The following SIGIRR variants were observed in gnomAD, a reference collection of about 807,000 sequenced individuals.
The protein encoded by SIGIRR is single Ig IL-1-related receptor.
Under a neutral mutation model 45.6 loss-of-function variants are expected in SIGIRR, and 41 were observed. The observed-to-expected ratio is 0.90, with a 90% CI of 0.70 to 1.17. SIGIRR has a LOEUF of 1.17. SIGIRR is among the 50% of genes most tolerant of loss of function. The pLI is 0.00. For synonymous variants in SIGIRR, 298 were observed against 239.0 expected, an observed-to-expected ratio of 1.25 and a Z score of -2.28; for missense variants, 599 against 539.6, an observed-to-expected ratio of 1.11 and a Z score of -1.09.
At chr11:406,559 G>A (rs1222900635) in intron 8 of SIGIRR, 21 bp from the exon 9 acceptor site, 1 of 1,595,684 alleles carries the variant, frequency 6.3e-7, no homozygotes, top group Non-Finnish European at 8.5e-7. Flanking sequence ...GGTCGGGGCG[G>A]TTTGCAGGTG....
intron 5 of SIGIRR, 35 bp from the exon 6 acceptor site, chr11:407,603 G>A (rs183132215): frequency 1.3e-6 from 2 of 1,597,524 alleles, no homozygotes; most frequent in Admixed American, 1.7e-5. Context: ...GATGGCTCCC[G>A]AGGCCTCACA....
chr11:405,894 A>T lies in SIGIRR; in HGVS notation c.*2T>A. 2 of 1,590,692 alleles carry T rather than the reference A, an allele frequency of 1.3e-6. No homozygotes were observed. Among genetic ancestry groups the T allele is most frequent in the Non-Finnish European group, 1.7e-6 (2 of 1,164,854 alleles). The stretch of plus-strand genomic sequence containing the variant: ...CTATGATCCTGCACTCTGGGGTGGG[A>T]GCTACATATCATCCTTGGACACCAG... On this transcript the variant is annotated 3_prime_UTR_variant, in exon 10 of 10. Transcript: ENST00000431843.
At chr11:407,192 A>T in intron 6 of SIGIRR, 28 bp from the exon 7 acceptor site, 5 of 118,978 alleles carry the variant, frequency 4.2e-5, no homozygotes, top group Admixed American at 2.0e-4. Context: ...TCGGCGGCGC[A>T]GGGGCGGGGG....
In SIGIRR at chr11:409,795, C is replaced by A. The variant is rs1327837413; in HGVS notation, c.7+73G>T. 55 of 1,359,274 alleles carry A rather than the reference C, an allele frequency of 4.0e-5. 2 individuals are homozygous for A. In the Middle Eastern group the frequency reaches 8.7e-3, roughly 216 times the overall value. 84.2% of individuals were successfully genotyped at this position (1,359,274 alleles called of 1,614,324 possible). A position where few individuals can be genotyped will look rare whatever the true frequency, so the allele number is the denominator to read the frequency against. Reference sequence around the variant, plus strand: ...GTGCCTGGGATAAGAGCAGGATGCACAATGTGGAGCCAGCCTGAGGGGCAG... The same window carrying A: ...GTGCCTGGGATAAGAGCAGGATGCAAAATGTGGAGCCAGCCTGAGGGGCAG... On this transcript the variant is annotated intron_variant, in intron 2 of 9. Transcript: ENST00000431843.
In SIGIRR at chr11:408,086, A is replaced by G. The variant is rs771429866; in HGVS notation, c.327T>C (p.Thr109=). 1.9e-6 allele frequency: 3 copies of G among 1,612,768 alleles called. No homozygotes were observed. Among genetic ancestry groups the G allele is most frequent in the Non-Finnish European group, 8.5e-7 (1 of 1,179,958 alleles). The part of the protein sequence containing the change: ...SIQNISFSSF[T]LQRAGPTSHV... ...AACCCCCATCACCAGCTCTCTGAAG[A>G]GTGAAGGAGGAGAAGCTGATGTTCT... The change falls in exon 4 of 10, where the codon ACT becomes ACC. Residue 109 remains threonine (T), a synonymous_variant. Coordinates refer to ENST00000431843, the MANE Select transcript of SIGIRR (RefSeq NM_001135054.2).
At chr11:411,349 C>A (rs1847611129) in intron 1 of SIGIRR, among the ~76,000 whole-genome samples, 2 of 17,824 alleles carry the variant, frequency 1.1e-4, no homozygotes, top group African/African-American at 5.0e-4. Flanking sequence ...TGTCTGGATG[C>A]AGTCGGGGGG....
intron 9 of SIGIRR, 118 bp downstream of exon 9, chr11:406,231 C>T: frequency 1.9e-6 from 3 of 1,540,992 alleles, no homozygotes; most frequent in South Asian, 1.2e-5. Context: ...CAGGGGCTCC[C>T]GGTGCCGGGA....
chr11:407,366 T>TGGGATGGGGCGGGTC (rs1450152511), intron 6 of SIGIRR, 59 bp downstream of exon 6: 4 of 1,221,662 alleles, frequency 3.3e-6, no homozygotes, highest in Admixed American at 2.9e-5. Context: ...GGACGGAGCA[T>TGGGATGGGGCGGGTC]GGGGCGGGGC....
In SIGIRR at chr11:407,525, G is replaced by A. The variant is rs201992147; in HGVS notation, c.525C>T (p.Pro175=). Residue 175 remains proline (P), a synonymous_variant, in exon 6 of 10, where the codon CCC becomes CCT. Coordinates refer to ENST00000431843, the MANE Select transcript of SIGIRR (RefSeq NM_001135054.2). ...TGAAGTTCACGAACTTGCGGTCCTC[G>A]GGGCAGTCGCTGTAGGAGACGTAGG... ...YDAYVSYSDC[P]EDRKFVNFIL... is the part of the protein sequence containing the mutation. 59 of 1,608,790 alleles carry A rather than the reference G, an allele frequency of 3.7e-5. No individual in the cohort carries two copies. Among genetic ancestry groups the A allele is most frequent in the Non-Finnish European group, 4.8e-5 (57 of 1,178,266 alleles).
At chr11:414,759 C>T (rs1484326760) in intron 1 of SIGIRR, 64 bp downstream of exon 1, 3 of 967,064 alleles carry the variant, frequency 3.1e-6, no homozygotes, top group African/African-American at 1.8e-5. Flanking sequence ...TCTTGGGCGC[C>T]GTGGGCCTCC....
At position 407,435 on chromosome 11, in the gene SIGIRR, C is replaced by A. The variant is rs2133621655; in HGVS notation, c.615G>T (p.Leu205=). 2 of 1,548,336 alleles carry A rather than the reference C, an allele frequency of 1.3e-6. No individual in the cohort carries two copies. The highest frequency in any genetic ancestry group is 2.4e-5 in the East Asian group (1 of 40,824). ...YKLFLDDRDL[L]PRAEPSADLL... is the part of the protein sequence containing the mutation. ...TGGGGCCCGGGATACCAGCGCGCGG[C>A]AGGAGGTCGCGGTCGTCCAGGAAGA... is the stretch of plus-strand genomic sequence containing the variant. Residue 205 remains leucine, a synonymous_variant, in exon 6 of 10, where the codon CTG becomes CTT. Transcript: ENST00000431843.
At position 406,423 on chromosome 11, in the gene SIGIRR, A is replaced by C; in HGVS notation, c.995T>G (p.Leu332Arg). Residue 332 changes from leucine (L) to arginine (R), a missense_variant, in exon 9 of 10, where the codon CTG becomes CGG. Transcript: ENST00000431843. ...CTCAGGGACTCGGCCTCGAAGAATC[A>C]GCATGGGGTCCTTGTCGTCCTGCAG... The part of the protein sequence containing the change: ...TQLQDDKDPM[L>R]ILRGRVPEGR... 6.2e-7 allele frequency: 1 copy of C among 1,612,758 alleles called. No homozygotes were observed. Among genetic ancestry groups the C allele is most frequent in the African/African-American group, 1.3e-5 (1 of 75,074 alleles).
intron 1 of SIGIRR, among the ~76,000 whole-genome samples, chr11:412,928 A>C (rs1264597297): frequency 2.0e-5 from 3 of 152,126 alleles, no homozygotes; most frequent in Non-Finnish European, 4.4e-5. Context: ...AGCAGCAGCC[A>C]CACACACCTC....
At chr11:407,622 C>T in intron 5 of SIGIRR, 54 bp from the exon 6 acceptor site, 7 of 1,587,678 alleles carry the variant, frequency 4.4e-6, no homozygotes, top group Non-Finnish European at 6.0e-6. Context: ...CACCAGCCCT[C>T]GGGGTCCCCA....
chr11:407,174 G>T lies in SIGIRR; in HGVS notation c.626-10C>A. On this transcript the variant is annotated splice_polypyrimidine_tract_variant and intron_variant, in intron 6 of 9. Transcript: ENST00000431843. The stretch of plus-strand genomic sequence containing the variant: ...AGGTCGGCGGAGGGCTCTGCGGGAG[G>T]GCGGGCGTCGGCGGCGCAGGGGCGG... 1 of 1,401,124 alleles carries T rather than the reference G, an allele frequency of 7.1e-7. No individual in the cohort carries two copies. Among genetic ancestry groups the T allele is most frequent in the Non-Finnish European group, 9.3e-7 (1 of 1,071,184 alleles). 86.8% of individuals were successfully genotyped at this position (1,401,124 alleles called of 1,614,324 possible).
At chr11:407,749 G>A in intron 5 of SIGIRR, 68 bp downstream of exon 5, 20 of 1,602,800 alleles carry the variant, frequency 1.2e-5, no homozygotes, top group Non-Finnish European at 1.4e-5. Flanking sequence ...CTCCAAAGCC[G>A]AGCTCAGCAG....
rs770828519 is a variant in SIGIRR, at chr11:406,521, A to G, written c.897T>C (p.Phe299=). The G allele has an allele frequency of 6.2e-7, 1 of 1,609,404 alleles. No homozygotes were observed. Among genetic ancestry groups the G allele is most frequent in the South Asian group, 1.1e-5 (1 of 91,026 alleles). The change falls in exon 9 of 10, where the codon TTT becomes TTC. Residue 299 remains phenylalanine (F), a synonymous_variant. Transcript: ENST00000431843. The stretch of plus-strand genomic sequence containing the variant: ...GCAGCGCCAGCTGCACTTCTTTCCA[A>G]AAATCGGAGGAAGGAGTCTGGGGGC... The part of the protein sequence containing the change: ...RPGSVTPSSD[F]WKEVQLALPR...
chr11:408,341 A>G (rs943212437), intron 3 of SIGIRR, 135 bp from the exon 4 acceptor site: 6 of 1,199,046 alleles, frequency 5.0e-6, no homozygotes, highest in Non-Finnish European at 5.8e-6. Context: ...AGCCAAGAGA[A>G]GTGACCTGAA....
chr11:413,724 A>ACCCTCTCCCCTGCT (rs1847776301), intron 1 of SIGIRR, among the ~76,000 whole-genome samples: 2 of 68,342 alleles, frequency 2.9e-5, no homozygotes, highest in East Asian at 8.3e-4. Context: ...CTCTTCCCGC[A>ACCCTCTCCCCTGCT]CCCTCTCCCC....
Sources: gnomAD v4.1 joint callset for allele counts (sites outside exome capture counted in the v4.1 genomes callset) on GRCh38, gnomAD v4.1.1 for gene constraint, MANE v1.5 for transcripts, NCBI Gene and HGNC (gene_info 2026-07-23, HGNC 2026-07-21) for gene names.